PPP1R21: variants seen among roughly 807,000 people sequenced by gnomAD.
PPP1R21 encodes KLRAQ motif containing 1.
In PPP1R21, 85 loss-of-function variants were observed where a neutral mutation model predicts 112.8. The ratio of observed to expected loss-of-function variants is 0.75; its 90% CI spans 0.63 to 0.90. PPP1R21 has a LOEUF of 0.90. PPP1R21 is among the 40% of genes least tolerant of loss of function. The pLI, the probability that PPP1R21 is intolerant of heterozygous loss-of-function variation, is 0.00. For synonymous variants in PPP1R21, 381 were observed against 322.3 expected, an observed-to-expected ratio of 1.18 and a Z score of -1.95; for missense variants, 1,199 against 901.5, an observed-to-expected ratio of 1.33 and a Z score of -4.23.
At chr2:48,504,108 G>A (rs1670261825) in intron 17 of PPP1R21, among the ~76,000 whole-genome samples, 1 of 152,186 alleles carries the variant, frequency 6.6e-6, no homozygotes, top group African/African-American at 2.4e-5. Flanking sequence ...ATAAACTGCA[G>A]TCATATTTGA....
intron 1 of PPP1R21, among the ~76,000 whole-genome samples, chr2:48,444,892 A>G (rs924655599): frequency 1.3e-5 from 2 of 150,784 alleles, no homozygotes; most frequent in African/African-American, 4.9e-5. Context: ...AGTGGATGCC[A>G]GCAGGAAAGC....
intron 12 of PPP1R21, among the ~76,000 whole-genome samples, chr2:48,478,671 G>A (rs1668866746): frequency 6.6e-6 from 1 of 152,178 alleles, no homozygotes; most frequent in Non-Finnish European, 1.5e-5. Context: ...TGAGATCAGT[G>A]TTTGCGCTTC....
At chr2:48,495,132 A>G (rs557766623) in intron 15 of PPP1R21, among the ~76,000 whole-genome samples, 9 of 152,366 alleles carry the variant, frequency 5.9e-5, no homozygotes, top group African/African-American at 2.2e-4. Context: ...CTTTTGCACC[A>G]TCGTAAAGTC....
chr2:48,497,651 ATTTTTTT>A (rs1208738625), intron 16 of PPP1R21, among the ~76,000 whole-genome samples: 3 of 134,178 alleles, frequency 2.2e-5, no homozygotes, highest in South Asian at 4.7e-4. Context: ...CTATAGTTCT[ATTTTTTT>A]TTTTTTTTTT....
chr2:48,452,274 G>T (rs1236342789), intron 2 of PPP1R21, among the ~76,000 whole-genome samples: 1 of 152,172 alleles, frequency 6.6e-6, no homozygotes, highest in Non-Finnish European at 1.5e-5. Context: ...AACAGTGGTA[G>T]GCGTGGTGAC....
intron 2 of PPP1R21, 166 bp from the exon 3 acceptor site, chr2:48,454,429 T>C: frequency 1.4e-6 from 1 of 738,078 alleles, no homozygotes; most frequent in Non-Finnish European, 2.2e-6. Context: ...GATTATCTTT[T>C]CACAAAGTGC....
In PPP1R21 at chr2:48,460,134, C is replaced by T. The variant is rs955470056; in HGVS notation, c.580C>T (p.Arg194Ter). Residue 194 changes from arginine (R) to a stop codon, truncating the protein, a stop_gained, in exon 6 of 22, where the codon CGA becomes TGA. Transcript: ENST00000294952. LOFTEE classifies it high-confidence loss of function. ...TCTAGAAAAGGAAGCCAAGGAATGT[C>T]GACTTCGAACGGAAGAATGGTATGT... ...QTLEKEAKECRLRTEECQLQL... is the reference protein window; with the variant it reads ...QTLEKEAKEC 2 of 1,613,936 alleles carry T rather than the reference C, an allele frequency of 1.2e-6. No individual in the cohort carries two copies. Among genetic ancestry groups the T allele is most frequent in the African/African-American group, 1.3e-5 (1 of 74,888 alleles).
chr2:48,481,621 T>C (rs1195811853), intron 13 of PPP1R21, among the ~76,000 whole-genome samples: 1 of 152,208 alleles, frequency 6.6e-6, no homozygotes, highest in Non-Finnish European at 1.5e-5. Flanking sequence ...CTGACGCTTA[T>C]AATCCCAGCA....
intron 12 of PPP1R21, among the ~76,000 whole-genome samples, chr2:48,479,237 A>T (rs942535803): frequency 1.3e-5 from 2 of 152,224 alleles, no homozygotes; most frequent in African/African-American, 2.4e-5. Flanking sequence ...GAGCAAGAGG[A>T]GAAATCCAGA....
At chr2:48,453,407 G>C (rs1472981192) in intron 2 of PPP1R21, among the ~76,000 whole-genome samples, 3 of 151,680 alleles carry the variant, frequency 2.0e-5, no homozygotes, top group Non-Finnish European at 2.9e-5. Context: ...TGCTCAGGCT[G>C]GTCTCCAGCT....
intron 1 of PPP1R21, among the ~76,000 whole-genome samples, chr2:48,443,249 C>T (rs1388139629): frequency 1.3e-5 from 2 of 152,116 alleles, no homozygotes; most frequent in African/African-American, 2.4e-5. Context: ...GGTGAGGGAA[C>T]ATGACTGCCA....
chr2:48,479,257 G>T (rs1668895548), intron 12 of PPP1R21, among the ~76,000 whole-genome samples: 1 of 152,186 alleles, frequency 6.6e-6, no homozygotes, highest in South Asian at 2.1e-4. Context: ...ACCTCTTTAG[G>T]AGTTGGGAGA....
chr2:48,514,682 A>G (rs781279696), intron 21 of PPP1R21, 33 bp from the exon 22 acceptor site: 9 of 1,448,586 alleles, frequency 6.2e-6, no homozygotes, highest in Admixed American at 1.7e-5. Flanking sequence ...TTTTATGTTT[A>G]TGTTCTTATT....
chr2:48,488,119 G>A (rs1181920273), intron 14 of PPP1R21, among the ~76,000 whole-genome samples: 2 of 152,110 alleles, frequency 1.3e-5, no homozygotes, highest in African/African-American at 2.4e-5. Flanking sequence ...TTCCAAAGTT[G>A]GACTGGCTTT....
intron 7 of PPP1R21, among the ~76,000 whole-genome samples, chr2:48,462,833 C>CA (rs1668035173): frequency 6.6e-6 from 1 of 151,740 alleles, no homozygotes; most frequent in African/African-American, 2.4e-5. Context: ...ACAAGGGAGT[C>CA]AAAGACTATT....
chr2:48,440,784 C>T lies in PPP1R21; in HGVS notation c.-170C>T. The T allele has an allele frequency of 1.6e-6, 1 of 620,012 alleles. No homozygotes were observed. Among genetic ancestry groups the T allele is most frequent in the Non-Finnish European group, 2.9e-6 (1 of 349,274 alleles). The allele number at this position is 620,012 out of a possible 1,614,324, so 38.4% of individuals were successfully genotyped here. ...CGGCCCCACTCCACCTTCCTCCCAC[C>T]CCGGGAACCCGGAAGTGGAGGAGGA... On this transcript the variant is annotated 5_prime_UTR_variant, in exon 1 of 22. Transcript: ENST00000294952.
At chr2:48,469,909 G>C (rs1482239208) in intron 9 of PPP1R21, among the ~76,000 whole-genome samples, 1 of 151,984 alleles carries the variant, frequency 6.6e-6, no homozygotes, top group African/African-American at 2.4e-5. Context: ...AGACTTGTAA[G>C]CTTAGAGTGC....
intron 9 of PPP1R21, among the ~76,000 whole-genome samples, chr2:48,470,828 C>G (rs1211688559): frequency 1.3e-5 from 2 of 152,122 alleles, no homozygotes; most frequent in Non-Finnish European, 2.9e-5. Flanking sequence ...TGTGTCACCC[C>G]TCTTCTAGTT....
At chr2:48,507,965 A>G (rs1333843712) in intron 19 of PPP1R21, among the ~76,000 whole-genome samples, 7 of 150,148 alleles carry the variant, frequency 4.7e-5, no homozygotes, top group Non-Finnish European at 8.9e-5. Flanking sequence ...GAGTTTCACC[A>G]TGTTGGCCAG....
Sources: allele counts gnomAD v4.1 joint callset (sites outside exome capture counted in the v4.1 genomes callset), GRCh38; gene constraint gnomAD v4.1.1; transcripts MANE v1.5; gene names NCBI Gene and HGNC (gene_info 2026-07-23, HGNC 2026-07-21).